The following SOX5 variants were observed in gnomAD, a reference collection of about 807,000 sequenced individuals.
SOX5 encodes the protein SRY-box transcription factor 5, also known as transcription factor SOX-5.
A neutral mutation model predicts 92.0 loss-of-function variants in SOX5; 9 were observed. The ratio of observed to expected loss-of-function variants is 0.10; its 90% CI spans 0.06 to 0.17. The LOEUF (loss-of-function observed/expected upper bound fraction) is 0.17, where lower values mean the gene tolerates loss of function less well. Ranked by LOEUF, SOX5 falls within the 10% of genes least tolerant of loss-of-function variation. SOX5 has a pLI of 1.00. For synonymous variants in SOX5, 344 were observed against 336.3 expected, an observed-to-expected ratio of 1.02 and a Z score of -0.25; for missense variants, 642 against 944.5, an observed-to-expected ratio of 0.68 and a Z score of 4.20.
intron 4 of SOX5, among the ~76,000 whole-genome samples, chr12:24,186,146 A>T (rs1955992792): frequency 6.6e-6 from 1 of 152,144 alleles, no homozygotes; most frequent in Admixed American, 6.6e-5. Context: ...AGGCAGAAAC[A>T]AAAATAAAAG....
chr12:24,251,585 T>TC (rs1458438450), intron 3 of SOX5, among the ~76,000 whole-genome samples: 8 of 151,514 alleles, frequency 5.3e-5, no homozygotes, highest in African/African-American at 9.7e-5. Flanking sequence ...TTTTTTTTTT[T>TC]CTTCAGATGA....
intron 6 of SOX5, among the ~76,000 whole-genome samples, chr12:23,728,859 C>T (rs1221429538): frequency 1.3e-5 from 2 of 152,074 alleles, no homozygotes; most frequent in Admixed American, 6.6e-5. Flanking sequence ...CAAGAAACAA[C>T]TTATGTGACA....
Position 23,534,376 on chromosome 12 carries a change from G to A in SOX5, c.2135C>T (p.Thr712Ile), listed in dbSNP as rs761672754. The change falls in exon 15 of 15, where the codon ACT becomes ATT. Residue 712 changes from threonine to isoleucine, a missense_variant. This residue lies in a region of SOX5 where 130 missense variants were observed against 140.6 expected (regional missense o/e 0.92). Coordinates refer to ENST00000451604, the MANE Select transcript of SOX5 (RefSeq NM_006940.6). ...TGGCTCCTCTCCTTTCACACCGTAA[G>A]TGCTCTGGATAACAGGCATCCCAGG... is the stretch of plus-strand genomic sequence containing the variant. ...PEPGMPVIQSTYGVKGEEPHI... is the reference protein window; with the variant it reads ...PEPGMPVIQSIYGVKGEEPHI... The A allele has an allele frequency of 5.0e-6, 8 of 1,614,124 alleles. No homozygotes were observed. The highest frequency in any genetic ancestry group is 6.8e-6 in the Non-Finnish European group (8 of 1,180,030).
chr12:24,048,979 C>A (rs1268094711), intron 4 of SOX5, among the ~76,000 whole-genome samples: 1 of 152,158 alleles, frequency 6.6e-6, no homozygotes, highest in Non-Finnish European at 1.5e-5. Flanking sequence ...ACTAAAAAAA[C>A]CCACTGAATT....
At chr12:23,931,634 A>C (rs1391140613) in intron 1 of SOX5, among the ~76,000 whole-genome samples, 1 of 151,812 alleles carries the variant, frequency 6.6e-6, no homozygotes, top group East Asian at 1.9e-4. Flanking sequence ...CTTGCTTCTA[A>C]TTTTTTTCAA....
At chr12:24,336,312 C>G (rs1951898206) in intron 2 of SOX5, among the ~76,000 whole-genome samples, 1 of 152,042 alleles carries the variant, frequency 6.6e-6, no homozygotes, top group Non-Finnish European at 1.5e-5. Context: ...CCAGGATGGT[C>G]TTGCTCTCCT....
chr12:23,620,342 G>C (rs1253932221), intron 8 of SOX5, among the ~76,000 whole-genome samples: 1 of 152,050 alleles, frequency 6.6e-6, no homozygotes, highest in Non-Finnish European at 1.5e-5. Flanking sequence ...GATTAGTCTA[G>C]ACATAATATG....
chr12:23,912,122 T>C (rs2097358383), intron 1 of SOX5, among the ~76,000 whole-genome samples: 2 of 151,934 alleles, frequency 1.3e-5, no homozygotes, highest in Admixed American at 1.3e-4. Flanking sequence ...ATGCATATAC[T>C]TATATACATG....
Position 23,604,416 on chromosome 12 carries a change from T to C in SOX5, c.1135A>G (p.Ser379Gly). 1 of 1,613,746 alleles carries C rather than the reference T, an allele frequency of 6.2e-7. No homozygotes were observed. The highest frequency in any genetic ancestry group is 8.5e-7 in the Non-Finnish European group (1 of 1,179,756). ...VSPTSIHTDK[S>G]TNSPPPKSKD... ...CTTTTGGGTGGTGGGCTGTTTGTGCTCTTGTCTGTGTGAATGCTGGTAGGA... is the reference window on the plus strand; with the variant it reads ...CTTTTGGGTGGTGGGCTGTTTGTGCCCTTGTCTGTGTGAATGCTGGTAGGA... The change falls in exon 9 of 15, where the codon AGC becomes GGC. Residue 379 changes from serine to glycine, a missense_variant. Ser to Gly is a moderately conservative substitution (Grantham distance 56). Coordinates refer to ENST00000451604, the MANE Select transcript of SOX5 (RefSeq NM_006940.6).
rs1471526130 is a variant in SOX5, at chr12:23,933,278, A to G, written c.38+16286T>C. Among the ~76,000 whole-genome samples, 6 of 151,602 alleles carry G rather than the reference A, an allele frequency of 4.0e-5. No homozygotes were observed. In the Admixed American group the frequency reaches 4.0e-4, roughly 10 times the overall value. ...CTTTGTCCAGCTTTACCCACGCTAT[A>G]TATCCTGCCTCAATTATCAGATGGA... On this transcript the variant is annotated intron_variant, in intron 1 of 14. Coordinates refer to ENST00000451604, the MANE Select transcript of SOX5 (RefSeq NM_006940.6).
chr12:24,341,146 T>G (rs1364897838), intron 2 of SOX5, among the ~76,000 whole-genome samples: 1 of 152,168 alleles, frequency 6.6e-6, no homozygotes, highest in African/African-American at 2.4e-5. Flanking sequence ...GTTTTTCAGT[T>G]TGATAAGGTA....
chr12:24,281,254 A>C (rs1945163260), intron 2 of SOX5, among the ~76,000 whole-genome samples: 1 of 151,856 alleles, frequency 6.6e-6, no homozygotes, highest in African/African-American at 2.4e-5. Context: ...AAAAAAAAAA[A>C]AAACTGTTGT....
intron 3 of SOX5, among the ~76,000 whole-genome samples, chr12:23,799,324 T>C (rs2095620897): frequency 6.6e-6 from 1 of 152,204 alleles, no homozygotes; most frequent in South Asian, 2.1e-4. Context: ...TTCCTTCTAA[T>C]GCCCATTAAT....
At chr12:24,327,028 T>C (rs1178625210) in intron 2 of SOX5, among the ~76,000 whole-genome samples, 5 of 152,190 alleles carry the variant, frequency 3.3e-5, no homozygotes, top group Admixed American at 1.3e-4. Flanking sequence ...TCAATAAATA[T>C]GTTGTATGAA....
At chr12:23,663,912 A>G (rs1338989861) in intron 7 of SOX5, among the ~76,000 whole-genome samples, 1 of 152,142 alleles carries the variant, frequency 6.6e-6, no homozygotes, top group African/African-American at 2.4e-5. Flanking sequence ...GGAAAATAAT[A>G]TTAGATGAAT....
chr12:24,101,083 A>G (rs568297349), intron 4 of SOX5, among the ~76,000 whole-genome samples: 3 of 152,238 alleles, frequency 2.0e-5, no homozygotes, highest in African/African-American at 7.2e-5. Flanking sequence ...CATCTTTAAG[A>G]AATCAATGAG....
At position 23,875,081 on chromosome 12, in the gene SOX5, C is replaced by G. The variant is rs969419503; in HGVS notation, c.270+20712G>C. ...ATGACCACAAGACAGTGGATTTTCT[C>G]TGTGCATCTTAAGACTGTGTGGTTT... On this transcript the variant is annotated intron_variant, in intron 2 of 14. Transcript: ENST00000451604. Among the ~76,000 whole-genome samples, 4 of 152,300 alleles carry G rather than the reference C, an allele frequency of 2.6e-5. No individual in the cohort carries two copies. In the East Asian group the frequency reaches 7.7e-4, roughly 29 times the overall value.
chr12:23,892,574 T>C (rs1171946526), intron 2 of SOX5, among the ~76,000 whole-genome samples: 4 of 152,180 alleles, frequency 2.6e-5, no homozygotes, highest in Admixed American at 6.5e-5. Context: ...CTTGTGGAAG[T>C]TGAAAGTAAG....
intron 10 of SOX5, among the ~76,000 whole-genome samples, chr12:23,567,539 C>A (rs1344153825): frequency 6.8e-6 from 1 of 146,450 alleles, no homozygotes; most frequent in Non-Finnish European, 1.5e-5. Flanking sequence ...TAGCTCACTG[C>A]AACCTTGAAC....
Sources: allele counts gnomAD v4.1 joint callset (sites outside exome capture counted in the v4.1 genomes callset), GRCh38; gene constraint gnomAD v4.1.1; regional missense constraint gnomAD v4.1.1; transcripts MANE v1.5; gene names NCBI Gene and HGNC (gene_info 2026-07-23, HGNC 2026-07-21).